SYT2: variants seen among roughly 807,000 people sequenced by gnomAD.
The protein encoded by SYT2 is synaptotagmin-2.
In SYT2, 15 loss-of-function variants were observed where a neutral mutation model predicts 39.9. The ratio of observed to expected loss-of-function variants is 0.38; its 90% CI spans 0.25 to 0.58. SYT2 has a LOEUF of 0.58. SYT2 is among the 20% of genes least tolerant of loss of function. SYT2 has a pLI of 0.70. For missense variants in SYT2, 389 were observed against 530.3 expected, an observed-to-expected ratio of 0.73 and a Z score of 2.62; for synonymous variants, 181 against 204.5, an observed-to-expected ratio of 0.89 and a Z score of 0.98.
At chr1:202,699,649 A>T (rs1258736718) in intron 1 of SYT2, among the ~76,000 whole-genome samples, 2 of 152,236 alleles carry the variant, frequency 1.3e-5, no homozygotes, top group Non-Finnish European at 1.5e-5. Flanking sequence ...AAAATCACTG[A>T]ACTGTACACT....
chr1:202,676,447 C>T (rs1226443336), intron 1 of SYT2, among the ~76,000 whole-genome samples: 1 of 152,228 alleles, frequency 6.6e-6, no homozygotes, highest in East Asian at 1.9e-4. Context: ...GCATATCTTA[C>T]AACACCTAGC....
chr1:202,706,737 C>T (rs1450040161), intron 1 of SYT2, among the ~76,000 whole-genome samples: 1 of 152,216 alleles, frequency 6.6e-6, no homozygotes, highest in Non-Finnish European at 1.5e-5. Context: ...ATCCCAGCTT[C>T]TCTGGCCTGG....
chr1:202,699,883 T>G (rs969474898), intron 1 of SYT2, among the ~76,000 whole-genome samples: 2 of 152,082 alleles, frequency 1.3e-5, no homozygotes, highest in Non-Finnish European at 2.9e-5. Context: ...TTGCTTGCCA[T>G]GTATTCTTTG....
intron 1 of SYT2, among the ~76,000 whole-genome samples, chr1:202,694,509 G>T (rs1653923425): frequency 6.6e-6 from 1 of 152,076 alleles, no homozygotes; most frequent in Admixed American, 6.5e-5. Flanking sequence ...ACACCTGCCT[G>T]CCCTATTGCA....
intron 1 of SYT2, among the ~76,000 whole-genome samples, chr1:202,665,158 A>G (rs922627367): frequency 3.3e-5 from 5 of 152,166 alleles, no homozygotes; most frequent in Admixed American, 1.3e-4. Flanking sequence ...CTGCCTCCTA[A>G]GAGGGTAATG....
chr1:202,708,643 A>G (rs1389884454), intron 1 of SYT2, among the ~76,000 whole-genome samples: 3 of 151,788 alleles, frequency 2.0e-5, no homozygotes, highest in African/African-American at 7.3e-5. Context: ...CCTGGCGTGG[A>G]CCCCTGACGC....
At chr1:202,602,728 C>T (rs1178857745) in intron 4 of SYT2, among the ~76,000 whole-genome samples, 183 bp from the exon 5 acceptor site, 1 of 152,150 alleles carries the variant, frequency 6.6e-6, no homozygotes, top group East Asian at 1.9e-4. Context: ...TTTGGAATGG[C>T]ATTTAGGAAA....
At chr1:202,693,164 A>C (rs550732060) in intron 1 of SYT2, among the ~76,000 whole-genome samples, 11 of 151,812 alleles carry the variant, frequency 7.2e-5, no homozygotes, top group Non-Finnish European at 1.5e-4. Context: ...ATGGTGCTGA[A>C]CCTCCCCATC....
intron 1 of SYT2, among the ~76,000 whole-genome samples, chr1:202,627,185 C>G (rs1205920598): frequency 6.6e-6 from 1 of 152,228 alleles, no homozygotes; most frequent in East Asian, 1.9e-4. Context: ...GTTCCTCTTG[C>G]AGAGACTGCG....
chr1:202,709,868 G>A (rs535741186), intron 1 of SYT2, among the ~76,000 whole-genome samples: 257 of 152,242 alleles, frequency 1.7e-3, no homozygotes, highest in African/African-American at 6.1e-3. Flanking sequence ...CGCTAGGGCT[G>A]GCGGGGGCTG....
At position 202,623,709 on chromosome 1, in the gene SYT2, T is replaced by C. The variant is rs181025225; in HGVS notation, c.-17-17920A>G. Among the ~76,000 whole-genome samples the C allele has an allele frequency of 5.3e-4, 80 of 152,014 alleles. No individual in the cohort carries two copies. The East Asian group carries it at 0.014, about 27-fold the overall frequency. On this transcript the variant is annotated intron_variant, in intron 1 of 8. Transcript: ENST00000367268. This position sits in a 1 kb window ranked among gnomAD's most constrained non-coding sequence, Gnocchi z 4.2. ...AGGTCTGTTGTGCGCATGCTCTGAG[T>C]GTGAGGGAGGACGGGTAGGACTGTG... is the stretch of plus-strand genomic sequence containing the variant.
intron 1 of SYT2, among the ~76,000 whole-genome samples, chr1:202,673,246 T>C (rs912622535): frequency 2.0e-5 from 3 of 152,196 alleles, no homozygotes; most frequent in Non-Finnish European, 4.4e-5. Flanking sequence ...CTATAAGTAC[T>C]ATTAAGTCTT....
intron 1 of SYT2, among the ~76,000 whole-genome samples, chr1:202,618,289 C>T (rs1691104598): frequency 6.6e-6 from 1 of 152,126 alleles, no homozygotes; most frequent in Non-Finnish European, 1.5e-5. Flanking sequence ...TACAGGCTGG[C>T]TCTGGGCCCA....
intron 1 of SYT2, among the ~76,000 whole-genome samples, chr1:202,682,264 T>A (rs1653544968): frequency 6.6e-6 from 1 of 152,118 alleles, no homozygotes; most frequent in South Asian, 2.1e-4. Context: ...CAGAGCATGA[T>A]GGGTTGGCTT....
chr1:202,620,413 G>C (rs1691171630), intron 1 of SYT2, among the ~76,000 whole-genome samples: 1 of 152,114 alleles, frequency 6.6e-6, no homozygotes, highest in Non-Finnish European at 1.5e-5. Flanking sequence ...CCTGGGGTGA[G>C]TTAGGAGTTG....
At chr1:202,604,840 T>C (rs1451735858) in intron 2 of SYT2, among the ~76,000 whole-genome samples, 1 of 148,664 alleles carries the variant, frequency 6.7e-6, no homozygotes, top group Non-Finnish European at 1.5e-5. Flanking sequence ...TTTTTTTTTT[T>C]TTTGCCTACT....
chr1:202,696,669 C>T (rs114575882), intron 1 of SYT2, among the ~76,000 whole-genome samples: 2,554 of 152,260 alleles, frequency 0.017, 79 homozygotes, highest in African/African-American at 0.057. Flanking sequence ...GAAGTGTGGC[C>T]TGAGGCACAT....
At position 202,631,770 on chromosome 1, in the gene SYT2, G is replaced by T. The variant is rs1237692591; in HGVS notation, c.-17-25981C>A. On this transcript the variant is annotated intron_variant, in intron 1 of 8. Transcript: ENST00000367268. The stretch of plus-strand genomic sequence containing the variant: ...TTCATGGTCCCAGGAGGTAATGAGG[G>T]CTCCATCATTGGGAGCATTCAAGCT... Among the ~76,000 whole-genome samples, 4 of 152,174 alleles carry T rather than the reference G, an allele frequency of 2.6e-5. No individual in the cohort carries two copies. The East Asian group carries it at 7.7e-4, about 29-fold the overall frequency.
intron 1 of SYT2, among the ~76,000 whole-genome samples, chr1:202,672,227 T>A (rs1192442796): frequency 6.6e-6 from 1 of 152,236 alleles, no homozygotes; most frequent in Non-Finnish European, 1.5e-5. Flanking sequence ...ATGGACTGAA[T>A]GTTTGCGTCC....
Sources: allele counts gnomAD v4.1 joint callset (sites outside exome capture counted in the v4.1 genomes callset), GRCh38; gene constraint gnomAD v4.1.1; non-coding constraint Gnocchi (gnomAD v3.1); transcripts MANE v1.5; gene names NCBI Gene and HGNC (gene_info 2026-07-23, HGNC 2026-07-21).